Variants in SUMF2 observed in about 807,000 individuals in gnomAD.
The protein encoded by SUMF2 is inactive C-alpha-formylglycine-generating enzyme 2.
A neutral mutation model predicts 44.8 loss-of-function variants in SUMF2; 45 were observed. The observed-to-expected ratio is 1.00, with a 90% CI of 0.79 to 1.29. The LOEUF (loss-of-function observed/expected upper bound fraction) is 1.29, where lower values mean the gene tolerates loss of function less well. Among genes scored for constraint, SUMF2 ranks in the 50% most tolerant of loss-of-function variants. The pLI, the probability that SUMF2 is intolerant of heterozygous loss-of-function variation, is 0.00. For missense variants in SUMF2, 418 were observed against 389.9 expected (o/e 1.07, Z -0.61); for synonymous variants, 148 against 150.4 (o/e 0.98, Z 0.12).
In SUMF2 at chr7:56,079,726, C is replaced by T; in HGVS notation, c.*114C>T. On this transcript the variant is annotated 3_prime_UTR_variant, in exon 9 of 9. Coordinates refer to ENST00000434526, the MANE Select transcript of SUMF2 (RefSeq NM_015411.4). ...GCTTCAGCCTCAGGAAAGAACTTCCCCTTCCCTGTCTCCCATCCCTCTGTG... is the reference window on the plus strand; with the variant it reads ...GCTTCAGCCTCAGGAAAGAACTTCCTCTTCCCTGTCTCCCATCCCTCTGTG... The T allele has an allele frequency of 6.3e-7, 1 of 1,595,732 alleles. No homozygotes were observed. Among genetic ancestry groups the T allele is most frequent in the Non-Finnish European group, 8.5e-7 (1 of 1,170,872 alleles).
downstream of SUMF2, chr7:56,083,493 A>T: frequency 6.3e-7 from 1 of 1,598,020 alleles, no homozygotes; most frequent in Non-Finnish European, 8.6e-7. Flanking sequence ...GTCAGGTAAC[A>T]GGCAGGGAGA....
downstream of SUMF2, chr7:56,082,056 C>T (rs367729730): frequency 5.4e-4 from 865 of 1,611,132 alleles, no homozygotes; most frequent in Non-Finnish European, 6.7e-4. Context: ...CCTGGACATG[C>T]GAGGGCCCAG....
chr7:56,087,721 C>T, the SUMF2 span: 4,001 of 1,613,824 alleles, frequency 2.5e-3, 10 homozygotes, highest in Non-Finnish European at 3.1e-3. Context: ...ACCTTCACGG[C>T]GTACTCCTGG....
At chr7:56,086,906 T>G in the SUMF2 span, 3 of 1,250,754 alleles carry the variant, frequency 2.4e-6, no homozygotes, top group African/African-American at 1.5e-5. Context: ...AGCCCTGGGG[T>G]TGGGGAGGGG....
downstream of SUMF2, chr7:56,084,310 G>C: frequency 2.1e-6 from 2 of 938,918 alleles, no homozygotes; most frequent in South Asian, 2.8e-5. Context: ...GCTGAAAGAG[G>C]GGACTATGAA....
intron 1 of SUMF2, among the ~76,000 whole-genome samples, chr7:56,064,600 G>A (rs1380976631): frequency 2.0e-5 from 3 of 152,168 alleles, no homozygotes; most frequent in Non-Finnish European, 4.4e-5. Context: ...GAGGCCGGGC[G>A]CGGTGGCTCG....
chr7:56,081,317 G>A, downstream of SUMF2: 1 of 1,595,650 alleles, frequency 6.3e-7, no homozygotes, highest in African/African-American at 1.3e-5. This position sits in a 1 kb window ranked among gnomAD's most constrained non-coding sequence, Gnocchi z 4.6. Context: ...GCCAGGCGGA[G>A]AAGCTGGGCT....
At chr7:56,065,010 G>A (rs1196392472) in intron 1 of SUMF2, among the ~76,000 whole-genome samples, 2 of 149,638 alleles carry the variant, frequency 1.3e-5, no homozygotes, top group African/African-American at 4.9e-5. Context: ...GGCTAACACA[G>A]TGAAACCCCG....
intron 2 of SUMF2, among the ~76,000 whole-genome samples, chr7:56,072,093 CTT>C (rs1279753548): frequency 2.8e-5 from 3 of 105,734 alleles, no homozygotes; most frequent in African/African-American, 7.5e-5. Flanking sequence ...GGGCAACAGT[CTT>C]TTTGAGACAG....
Position 56,074,654 on chromosome 7 carries a change from C to T in SUMF2, c.453C>T (p.Asp151=), listed in dbSNP as rs769939710. ...CAGTGTTACACGTGAGCTGGAATGA[C>T]GCCCGTGCCTACTGTGCTTGGCGGG... ...EHPVLHVSWN[D]ARAYCAWRGK... Residue 151 remains aspartate (D), a synonymous_variant, in exon 5 of 9, where the codon GAC becomes GAT. Coordinates refer to ENST00000434526, the MANE Select transcript of SUMF2 (RefSeq NM_015411.4). 6 of 1,614,180 alleles carry T rather than the reference C, an allele frequency of 3.7e-6. No homozygotes were observed. The Admixed American group carries it at 8.3e-5, about 22-fold the overall frequency.
At chr7:56,073,338 C>T (rs1795304990) in intron 3 of SUMF2, 1 of 572,878 alleles carries the variant, frequency 1.7e-6, no homozygotes, top group African/African-American at 1.9e-5. Context: ...AGGATAGGAT[C>T]CAAGGAACTT....
downstream of SUMF2, chr7:56,081,661 A>G: frequency 6.2e-7 from 1 of 1,613,642 alleles, no homozygotes; most frequent in Non-Finnish European, 8.5e-7. This position sits in a 1 kb window ranked among gnomAD's most constrained non-coding sequence, Gnocchi z 4.6. Context: ...GAAGTGCCGC[A>G]CTTCCTCCAC....
chr7:56,070,303 C>T (rs1019032167), intron 2 of SUMF2, among the ~76,000 whole-genome samples: 2 of 152,068 alleles, frequency 1.3e-5, no homozygotes, highest in African/African-American at 4.8e-5. Flanking sequence ...CCTGTTACAT[C>T]TATCTCTGAT....
intron 5 of SUMF2, chr7:56,076,562 A>G (rs1795562194): frequency 8.3e-6 from 3 of 360,132 alleles, no homozygotes; most frequent in Admixed American, 4.7e-5. Flanking sequence ...ACTTTTCTCA[A>G]CATGAACTGA....
chr7:56,072,862 T>C (rs1040551139), intron 2 of SUMF2, 135 bp from the exon 3 acceptor site: 1 of 632,736 alleles, frequency 1.6e-6, no homozygotes, highest in Non-Finnish European at 2.9e-6. Flanking sequence ...GGCTTCAGGT[T>C]AATTCCTTGG....
downstream of SUMF2, chr7:56,083,117 A>G (rs955754706): frequency 2.4e-5 from 16 of 653,648 alleles, no homozygotes; most frequent in Admixed American, 6.0e-5. Flanking sequence ...AAAAAAAAAA[A>G]AAAGAAAGAA....
downstream of SUMF2, chr7:56,083,090 A>G: frequency 1.8e-6 from 1 of 556,594 alleles, no homozygotes; most frequent in Non-Finnish European, 3.2e-6. Flanking sequence ...TGGGCGACAG[A>G]GTGAGACTCC....
At chr7:56,087,557 C>G in the SUMF2 span, 1 of 1,589,786 alleles carries the variant, frequency 6.3e-7, no homozygotes, top group South Asian at 1.1e-5. Context: ...GGCAGAATCA[C>G]AGGGGGGCAC....
chr7:56,076,893 A>C lies in SUMF2; in HGVS notation c.591+4A>C. 1 of 1,606,496 alleles carries C rather than the reference A, an allele frequency of 6.2e-7. No individual in the cohort carries two copies. Among genetic ancestry groups the C allele is most frequent in the Non-Finnish European group, 8.5e-7 (1 of 1,176,274 alleles). ...AAACCGCACCAACCTGTGGCAGGTA[A>C]GACCTACGTTCCTCCTTTCACCAAG... On this transcript the variant is annotated splice_donor_region_variant and intron_variant, in intron 6 of 8. Transcript: ENST00000434526.
Sources: gnomAD v4.1 joint callset for allele counts (sites outside exome capture counted in the v4.1 genomes callset) on GRCh38, gnomAD v4.1.1 for gene constraint, Gnocchi (gnomAD v3.1) non-coding constraint, MANE v1.5 for transcripts, NCBI Gene and HGNC (gene_info 2026-07-23, HGNC 2026-07-21) for gene names.